Variants in MEMO1 observed in about 807,000 individuals in gnomAD.
MEMO1 encodes mediator of cell motility 1.
In MEMO1, 6 loss-of-function variants were observed where a neutral mutation model predicts 45.2. The ratio of observed to expected loss-of-function variants is 0.13; its 90% CI spans 0.07 to 0.26. The LOEUF (loss-of-function observed/expected upper bound fraction) is 0.26. Ranked by LOEUF, MEMO1 falls within the 10% of genes least tolerant of loss-of-function variation. The probability of loss-of-function intolerance (pLI) is 1.00; values close to 1 mark genes in which losing one functional copy is unlikely to be tolerated. For missense variants in MEMO1, 184 were observed against 370.5 expected, an observed-to-expected ratio of 0.50 and a Z score of 4.13; for synonymous variants, 78 against 124.3, an observed-to-expected ratio of 0.63 and a Z score of 2.48.
chr2:31,878,985 A>T (rs1055959419), intron 8 of MEMO1, among the ~76,000 whole-genome samples: 1 of 152,186 alleles, frequency 6.6e-6, no homozygotes, highest in African/African-American at 2.4e-5. Flanking sequence ...CAATACCTCA[A>T]ATTAGGGATT....
chr2:31,975,036 G>A (rs562615074), intron 2 of MEMO1, among the ~76,000 whole-genome samples: 10 of 151,920 alleles, frequency 6.6e-5, no homozygotes, highest in African/African-American at 2.4e-4. Context: ...GCTGGACGTG[G>A]TGGCAGGCAC....
At chr2:31,959,074 G>C (rs1454858079) in intron 2 of MEMO1, among the ~76,000 whole-genome samples, 1 of 152,184 alleles carries the variant, frequency 6.6e-6, no homozygotes, top group East Asian at 1.9e-4. Flanking sequence ...CCAATAACAA[G>C]ATCAAGGAAA....
chr2:31,951,655 C>T (rs1366640927), intron 2 of MEMO1, among the ~76,000 whole-genome samples: 2 of 152,118 alleles, frequency 1.3e-5, no homozygotes, highest in African/African-American at 4.8e-5. Context: ...GCCTCAGCCT[C>T]CCGAGTAGCT....
intron 2 of MEMO1, among the ~76,000 whole-genome samples, chr2:31,969,264 T>C (rs1334145016): frequency 7.1e-6 from 1 of 141,660 alleles, no homozygotes; most frequent in African/African-American, 2.6e-5. Context: ...GCTACAAAGC[T>C]ATATATATAT....
intron 5 of MEMO1, 135 bp from the exon 6 acceptor site, chr2:31,918,172 TAAAAC>T (rs1025641474): frequency 5.7e-5 from 28 of 491,460 alleles, no homozygotes; most frequent in African/African-American, 3.6e-4. Flanking sequence ...TCATTTTTAT[TAAAAC>T]AAAACAAAAC....
chr2:31,988,351 A>G (rs1202088646), intron 2 of MEMO1, among the ~76,000 whole-genome samples: 1 of 151,910 alleles, frequency 6.6e-6, no homozygotes, highest in Non-Finnish European at 1.5e-5. Context: ...GTTTGAGACC[A>G]CCCTCGCCAA....
intron 1 of MEMO1, 163 bp from the exon 2 acceptor site, chr2:32,010,427 G>C (rs1410388540): frequency 2.4e-6 from 1 of 417,928 alleles, no homozygotes; most frequent in South Asian, 2.5e-5. Context: ...CGGCCCAGGA[G>C]GAGGAGATGG....
intron 8 of MEMO1, among the ~76,000 whole-genome samples, chr2:31,880,590 G>T (rs746125564): frequency 2.6e-4 from 40 of 152,116 alleles, no homozygotes; most frequent in Non-Finnish European, 5.3e-4. Context: ...CACATTGGTA[G>T]AGCTGATTTG....
intron 8 of MEMO1, among the ~76,000 whole-genome samples, chr2:31,872,645 G>C (rs1025739890): frequency 2.0e-5 from 3 of 152,044 alleles, no homozygotes; most frequent in Admixed American, 1.3e-4. Flanking sequence ...TAAAAATGAA[G>C]ATATACTGGT....
chr2:31,972,759 T>C (rs1669561226), intron 2 of MEMO1, among the ~76,000 whole-genome samples: 2 of 151,412 alleles, frequency 1.3e-5, no homozygotes, highest in African/African-American at 4.9e-5. Context: ...TACTTGCAAA[T>C]CACATACAGG....
At chr2:31,974,733 T>G (rs1393781274) in intron 2 of MEMO1, among the ~76,000 whole-genome samples, 1 of 150,606 alleles carries the variant, frequency 6.6e-6, no homozygotes, top group African/African-American at 2.4e-5. Flanking sequence ...CCATTGCACT[T>G]CAGCCTGGGC....
chr2:31,886,945 C>G (rs1028332808), intron 7 of MEMO1, among the ~76,000 whole-genome samples: 1 of 152,144 alleles, frequency 6.6e-6, no homozygotes, highest in Non-Finnish European at 1.5e-5. Flanking sequence ...TCAGTAGTTT[C>G]TTCAGGTGCC....
intron 2 of MEMO1, among the ~76,000 whole-genome samples, chr2:31,945,187 A>G (rs1440408554): frequency 1.3e-5 from 2 of 152,202 alleles, no homozygotes; most frequent in African/African-American, 4.8e-5. Context: ...TTTGAAAATT[A>G]CTCAAGTTGA....
chr2:31,958,304 T>C (rs1558532897), intron 2 of MEMO1, among the ~76,000 whole-genome samples: 2 of 151,830 alleles, frequency 1.3e-5, no homozygotes, highest in Non-Finnish European at 2.9e-5. Context: ...TTTTCTGATA[T>C]GATTTCCAGT....
intron 2 of MEMO1, among the ~76,000 whole-genome samples, chr2:31,967,282 C>A (rs1668746520): frequency 1.3e-5 from 2 of 152,138 alleles, no homozygotes; most frequent in South Asian, 4.1e-4. Context: ...CACCACCACG[C>A]CCGGCTAATT....
chr2:31,910,379 ATT>A (rs1280818039), intron 6 of MEMO1, among the ~76,000 whole-genome samples: 16 of 152,164 alleles, frequency 1.1e-4, no homozygotes, highest in Admixed American at 1.0e-3. Flanking sequence ...ATTTTATTTC[ATT>A]TTTTTCTTAT....
At chr2:31,929,071 A>G (rs1392196163) in intron 4 of MEMO1, among the ~76,000 whole-genome samples, 3 of 152,188 alleles carry the variant, frequency 2.0e-5, no homozygotes, top group Non-Finnish European at 2.9e-5. Flanking sequence ...TTTATAAAAA[A>G]CTAATTTTGC....
intron 6 of MEMO1, among the ~76,000 whole-genome samples, chr2:31,894,025 T>C (rs1677349639): frequency 1.3e-5 from 2 of 152,212 alleles, no homozygotes; most frequent in Admixed American, 1.3e-4. Context: ...AATGTAATAC[T>C]ACTAGGATTT....
At chr2:31,969,554 C>G (rs999683197) in intron 2 of MEMO1, among the ~76,000 whole-genome samples, 1 of 144,652 alleles carries the variant, frequency 6.9e-6, no homozygotes. Context: ...TTTATCTATA[C>G]TTTCTAAATC....
Sources: gnomAD v4.1 joint callset for allele counts (sites outside exome capture counted in the v4.1 genomes callset) on GRCh38, gnomAD v4.1.1 for gene constraint, MANE v1.5 for transcripts, NCBI Gene and HGNC (gene_info 2026-07-23, HGNC 2026-07-21) for gene names.